NKAIN2: variants seen among roughly 807,000 people sequenced by gnomAD.
NKAIN2 encodes sodium/potassium-transporting ATPase subunit beta-1-interacting protein 2.
A neutral mutation model predicts 32.6 loss-of-function variants in NKAIN2; 14 were observed. The observed-to-expected ratio is 0.43, with a 90% CI of 0.28 to 0.67. The LOEUF (loss-of-function observed/expected upper bound fraction) is 0.67. NKAIN2 is among the 30% of genes least tolerant of loss of function. NKAIN2 has a pLI of 0.17. For synonymous variants in NKAIN2, 80 were observed against 87.2 expected (o/e 0.92, Z 0.46); for missense variants, 198 against 258.3 (o/e 0.77, Z 1.60).
chr6:124,485,097 G>T (rs1011525817), intron 3 of NKAIN2, among the ~76,000 whole-genome samples: 2 of 152,140 alleles, frequency 1.3e-5, no homozygotes, highest in African/African-American at 4.8e-5. Context: ...AAATAGATCT[G>T]CAAAACAGTG....
In NKAIN2 at chr6:124,540,419, C is replaced by A. The variant is rs1489559747; in HGVS notation, c.274-117767C>A. On this transcript the variant is annotated intron_variant, in intron 3 of 6. Transcript: ENST00000368417. ...AATATGCCAGCAGTTATAAAGCTAT[C>A]TTTCTCTCTGCTATCTACTGATAAT... Among the ~76,000 whole-genome samples, 4 of 152,244 alleles carry A rather than the reference C, an allele frequency of 2.6e-5. No homozygotes were observed. In the East Asian group the frequency reaches 7.7e-4, roughly 29 times the overall value.
At chr6:124,738,463 A>G (rs749695126) in intron 4 of NKAIN2, among the ~76,000 whole-genome samples, 12 of 151,942 alleles carry the variant, frequency 7.9e-5, no homozygotes, top group Non-Finnish European at 1.8e-4. Context: ...ATTTGCTTGA[A>G]AACGCAATGT....
intron 1 of NKAIN2, among the ~76,000 whole-genome samples, chr6:124,253,097 T>C (rs1177473639): frequency 1.3e-5 from 2 of 152,146 alleles, no homozygotes; most frequent in East Asian, 3.9e-4. Context: ...GGAGAATTGA[T>C]ATTTTTACAA....
chr6:124,788,348 G>C (rs758097484), intron 4 of NKAIN2, among the ~76,000 whole-genome samples: 21 of 152,030 alleles, frequency 1.4e-4, no homozygotes, highest in Non-Finnish European at 2.8e-4. Flanking sequence ...CTAGAAATCT[G>C]CTTTAGTTCA....
chr6:124,342,915 T>G (rs1294829678), intron 2 of NKAIN2, among the ~76,000 whole-genome samples: 2 of 151,748 alleles, frequency 1.3e-5, no homozygotes, highest in African/African-American at 2.4e-5. Context: ...TGTGCCATGT[T>G]GGTGTGCTGC....
chr6:124,030,987 G>A (rs1282796203), intron 1 of NKAIN2, among the ~76,000 whole-genome samples: 6 of 152,102 alleles, frequency 3.9e-5, no homozygotes. Flanking sequence ...GGCATGAGAA[G>A]CAGCAGCTTT....
intron 3 of NKAIN2, among the ~76,000 whole-genome samples, chr6:124,391,889 G>A (rs1446152427): frequency 6.6e-6 from 1 of 151,978 alleles, no homozygotes; most frequent in Admixed American, 6.6e-5. Flanking sequence ...GGATTCTATT[G>A]GTTACTAATC....
intron 1 of NKAIN2, among the ~76,000 whole-genome samples, chr6:123,867,946 G>A (rs371696124): frequency 5.8e-4 from 85 of 147,186 alleles, no homozygotes; most frequent in Admixed American, 1.3e-3. Context: ...TCTGCTCACT[G>A]CAAGCTCTGC....
chr6:123,805,444 TG>T (rs1484921550), intron 1 of NKAIN2, among the ~76,000 whole-genome samples: 1 of 152,202 alleles, frequency 6.6e-6, no homozygotes, highest in Non-Finnish European at 1.5e-5. Context: ...CAGTGCTTTT[TG>T]TTGTGTGTTG....
At chr6:123,935,397 C>T (rs1016373738) in intron 1 of NKAIN2, among the ~76,000 whole-genome samples, 2 of 151,452 alleles carry the variant, frequency 1.3e-5, no homozygotes, top group Non-Finnish European at 2.9e-5. Context: ...CTCCCAAACA[C>T]ACCAATGTGC....
At chr6:124,359,046 T>C (rs1472602896) in intron 3 of NKAIN2, among the ~76,000 whole-genome samples, 1 of 152,128 alleles carries the variant, frequency 6.6e-6, no homozygotes, top group African/African-American at 2.4e-5. Context: ...TCCCCATTTC[T>C]TGTTTTTCTC....
At chr6:124,182,609 G>T (rs575004524) in intron 1 of NKAIN2, among the ~76,000 whole-genome samples, 1 of 152,236 alleles carries the variant, frequency 6.6e-6, no homozygotes, top group South Asian at 2.1e-4. Flanking sequence ...ATTCAATTCA[G>T]TACCAGGTGG....
chr6:124,687,881 T>C (rs548804230), intron 4 of NKAIN2, among the ~76,000 whole-genome samples: 2 of 150,760 alleles, frequency 1.3e-5, no homozygotes, highest in African/African-American at 4.9e-5. Context: ...ATGGGGGCCC[T>C]CCTAGAGTCT....
intron 1 of NKAIN2, among the ~76,000 whole-genome samples, chr6:124,092,982 A>G (rs571274379): frequency 6.6e-4 from 100 of 152,092 alleles, no homozygotes; most frequent in African/African-American, 2.2e-3. Flanking sequence ...GTTTTCTTTT[A>G]TCATCACTGC....
chr6:124,523,149 A>G (rs2114801727), intron 3 of NKAIN2, among the ~76,000 whole-genome samples: 1 of 27,744 alleles, frequency 3.6e-5, no homozygotes, highest in East Asian at 0.033. Context: ...TCTCAAAAAA[A>G]AAAAAAGAAA....
At chr6:124,668,076 G>A (rs1218493538) in intron 4 of NKAIN2, among the ~76,000 whole-genome samples, 5 of 151,926 alleles carry the variant, frequency 3.3e-5, no homozygotes, top group African/African-American at 9.7e-5. Flanking sequence ...CACTTGTCCC[G>A]ACTGCCGTTC....
At chr6:124,258,861 A>G (rs1437151382) in intron 1 of NKAIN2, among the ~76,000 whole-genome samples, 3 of 152,210 alleles carry the variant, frequency 2.0e-5, no homozygotes, top group Non-Finnish European at 2.9e-5. Flanking sequence ...TCTCTTCCCT[A>G]TAGTCTTGTC....
chr6:124,079,940 GAA>G (rs113567677), intron 1 of NKAIN2, among the ~76,000 whole-genome samples: 2 of 140,952 alleles, frequency 1.4e-5, no homozygotes, highest in Non-Finnish European at 1.6e-5. Flanking sequence ...CATTTGGATG[GAA>G]AAAAAAAAAA....
intron 1 of NKAIN2, among the ~76,000 whole-genome samples, chr6:124,047,694 C>A (rs1033499142): frequency 2.0e-5 from 3 of 152,014 alleles, no homozygotes; most frequent in Non-Finnish European, 2.9e-5. Context: ...GTGACAGATA[C>A]CTTCTTTAAG....
Sources: gnomAD v4.1 joint callset for allele counts (sites outside exome capture counted in the v4.1 genomes callset) on GRCh38, gnomAD v4.1.1 for gene constraint, MANE v1.5 for transcripts, NCBI Gene and HGNC (gene_info 2026-07-23, HGNC 2026-07-21) for gene names.